The following RALYL variants were observed in gnomAD, a reference collection of about 807,000 sequenced individuals.
RALYL encodes RNA-binding Raly-like protein.
RALYL carries 29 observed loss-of-function variants against 35.1 expected under a neutral mutation model. The observed-to-expected ratio is 0.83, with a 90% CI of 0.61 to 1.13. The LOEUF (loss-of-function observed/expected upper bound fraction) is 1.13, where lower values mean the gene tolerates loss of function less well. Among genes scored for constraint, RALYL ranks in the 50% most tolerant of loss-of-function variants. The pLI is 0.00. For synonymous variants in RALYL, 120 were observed against 127.6 expected, an observed-to-expected ratio of 0.94 and a Z score of 0.40; for missense variants, 359 against 360.4, an observed-to-expected ratio of 1.00 and a Z score of 0.03.
chr8:84,271,966 C>T (rs555601075), intron 1 of RALYL, among the ~76,000 whole-genome samples: 4 of 152,216 alleles, frequency 2.6e-5, no homozygotes, highest in African/African-American at 9.6e-5. Flanking sequence ...GATGAATTTT[C>T]TGGTAGTAAA....
intron 1 of RALYL, among the ~76,000 whole-genome samples, chr8:84,459,372 T>G (rs916324165): frequency 4.6e-5 from 7 of 151,830 alleles, no homozygotes; most frequent in African/African-American, 1.7e-4. Context: ...AAGCCATGAT[T>G]AGAAGATTAG....
intron 1 of RALYL, among the ~76,000 whole-genome samples, chr8:84,309,854 C>G (rs995309873): frequency 2.0e-5 from 3 of 151,874 alleles, no homozygotes; most frequent in African/African-American, 7.3e-5. Context: ...GTGGCGCCAT[C>G]TCAGCTCACT....
chr8:84,227,056 C>CTTTTT (rs1158995864), intron 1 of RALYL, among the ~76,000 whole-genome samples: 3,700 of 81,816 alleles, frequency 0.045, 352 homozygotes, highest in Non-Finnish European at 0.058. Context: ...AATTGTATTT[C>CTTTTT]TTTTTTTTTT....
chr8:84,882,458 G>A (rs1436893516), intron 7 of RALYL, among the ~76,000 whole-genome samples: 2 of 151,962 alleles, frequency 1.3e-5, no homozygotes, highest in Admixed American at 6.6e-5. Context: ...GTAGAATGTG[G>A]CAACGAGGTT....
chr8:84,746,582 C>T (rs1391596786), intron 2 of RALYL, among the ~76,000 whole-genome samples: 1 of 151,924 alleles, frequency 6.6e-6, no homozygotes, highest in African/African-American at 2.4e-5. Context: ...TACCACCAAA[C>T]TTTACTCTTG....
At chr8:84,587,122 A>G (rs757357315) in intron 2 of RALYL, among the ~76,000 whole-genome samples, 46 of 152,214 alleles carry the variant, frequency 3.0e-4, no homozygotes, top group Non-Finnish European at 5.9e-4. Flanking sequence ...AAACGAACCT[A>G]CATTAAAAGT....
chr8:84,774,628 C>A lies in RALYL; in HGVS notation c.306C>A (p.Asn102Lys), dbSNP rs1251848243. The A allele has an allele frequency of 1.2e-6, 2 of 1,609,244 alleles. No individual in the cohort carries two copies. The highest frequency in any genetic ancestry group is 1.7e-5 in the Admixed American group (1 of 59,536). Residue 102 changes from asparagine (N) to lysine (K), a missense_variant, in exon 3 of 9, where the codon AAC (asparagine) becomes AAA (lysine). Transcript: ENST00000521268. Reference sequence around the variant, plus strand: ...AACCATACAGACCAAAACCTGGAAACAAGAGGCCCCTTTCTGCACTTTACA... The same window carrying A: ...AACCATACAGACCAAAACCTGGAAAAAAGAGGCCCCTTTCTGCACTTTACA... ...EPKPYRPKPG[N>K]KRPLSALYRL...
At chr8:84,564,914 T>A (rs1469864461) in intron 2 of RALYL, among the ~76,000 whole-genome samples, 1 of 151,682 alleles carries the variant, frequency 6.6e-6, no homozygotes, top group African/African-American at 2.4e-5. Context: ...AAAATACTAT[T>A]TAGGCAAGTA....
intron 4 of RALYL, among the ~76,000 whole-genome samples, chr8:84,842,574 T>C (rs1833671535): frequency 6.6e-6 from 1 of 152,214 alleles, no homozygotes; most frequent in African/African-American, 2.4e-5. Flanking sequence ...TCTGAAACTA[T>C]TCCAATCAAT....
chr8:84,898,857 A>G (rs1845193824), intron 8 of RALYL, among the ~76,000 whole-genome samples: 1 of 152,208 alleles, frequency 6.6e-6, no homozygotes, highest in African/African-American at 2.4e-5. Context: ...ACTCAGGCAC[A>G]TCCTCCACAA....
At chr8:84,641,346 A>C (rs77707090) in intron 2 of RALYL, among the ~76,000 whole-genome samples, 1,568 of 151,822 alleles carry the variant, frequency 0.01, 33 homozygotes, top group African/African-American at 0.035. Context: ...TTTAGTAAAA[A>C]TTTAGGGGGT....
intron 4 of RALYL, among the ~76,000 whole-genome samples, chr8:84,827,048 A>G (rs1271640986): frequency 6.6e-6 from 1 of 152,168 alleles, no homozygotes; most frequent in African/African-American, 2.4e-5. Context: ...ATATATGAAG[A>G]ACAAGAAAAA....
chr8:84,815,556 C>CTTGT (rs1379444699), intron 4 of RALYL, among the ~76,000 whole-genome samples: 6 of 150,730 alleles, frequency 4.0e-5, no homozygotes, highest in African/African-American at 1.5e-4. Flanking sequence ...GTTAAGCAAC[C>CTTGT]TTGTTTTTTA....
At position 84,434,179 on chromosome 8, in the gene RALYL, TC is replaced by T. The variant is rs1204241164; in HGVS notation, c.-23-95117del. ...TTCTCACTGTATTGTCACATGGCCT[TC>T]CCTTTGTGCCTGTGTCCTCATCTCT... is the stretch of plus-strand genomic sequence containing the variant. On this transcript the variant is annotated intron_variant, in intron 1 of 8. Transcript: ENST00000521268. Among the ~76,000 whole-genome samples, 11 of 152,188 alleles carry T rather than the reference TC, an allele frequency of 7.2e-5. No individual in the cohort carries two copies. The South Asian group carries it at 1.0e-3, about 14-fold the overall frequency.
chr8:84,597,829 A>G (rs1418931957), intron 2 of RALYL, among the ~76,000 whole-genome samples: 1 of 152,212 alleles, frequency 6.6e-6, no homozygotes, highest in African/African-American at 2.4e-5. Context: ...CTATAACAGC[A>G]GAATTCAATA....
chr8:84,336,296 T>A (rs1847791224), intron 1 of RALYL, among the ~76,000 whole-genome samples: 1 of 152,142 alleles, frequency 6.6e-6, no homozygotes, highest in African/African-American at 2.4e-5. Flanking sequence ...TTCTAGAAAA[T>A]GTGCAAAACT....
At chr8:84,280,970 G>A (rs1301802400) in intron 1 of RALYL, among the ~76,000 whole-genome samples, 1 of 152,138 alleles carries the variant, frequency 6.6e-6, no homozygotes, top group Non-Finnish European at 1.5e-5. Context: ...TTGTGAGCCT[G>A]TGTTTTCACA....
At chr8:84,205,755 T>A (rs945840179) in intron 1 of RALYL, among the ~76,000 whole-genome samples, 2 of 152,186 alleles carry the variant, frequency 1.3e-5, no homozygotes, top group Non-Finnish European at 2.9e-5. Context: ...TCCCATCAGT[T>A]TAGCAAATAA....
chr8:84,430,405 T>A (rs1161134256), intron 1 of RALYL, among the ~76,000 whole-genome samples: 1 of 152,186 alleles, frequency 6.6e-6, no homozygotes, highest in Non-Finnish European at 1.5e-5. Flanking sequence ...TTAATTTTTG[T>A]ACTCTGTTGT....
Sources: gnomAD v4.1 joint callset for allele counts (sites outside exome capture counted in the v4.1 genomes callset) on GRCh38, gnomAD v4.1.1 for gene constraint, MANE v1.5 for transcripts, NCBI Gene and HGNC (gene_info 2026-07-23, HGNC 2026-07-21) for gene names.